Variants in RBM43 observed in about 807,000 individuals in gnomAD.
The protein encoded by RBM43 is RNA binding motif protein 43, also known as RNA-binding protein 43.
Under a neutral mutation model 12.4 loss-of-function variants are expected in RBM43, and 12 were observed. That is an observed-to-expected ratio of 0.97 (90% CI 0.62 to 1.57). The LOEUF (loss-of-function observed/expected upper bound fraction) is 1.57, where lower values mean the gene tolerates loss of function less well. Ranked by LOEUF, RBM43 falls within the 40% of genes most tolerant of loss-of-function variation. The pLI is 0.00. For missense variants in RBM43, 348 were observed against 400.1 expected, an observed-to-expected ratio of 0.87 and a Z score of 1.11; for synonymous variants, 138 against 145.7, an observed-to-expected ratio of 0.95 and a Z score of 0.38.
At chr2:151,261,501 T>C (rs768274628) in intron 1 of RBM43, 3 of 1,550,066 alleles carry the variant, frequency 1.9e-6, no homozygotes, top group Non-Finnish European at 2.6e-6. Flanking sequence ...GAGCGCGCAA[T>C]GCCGCCACCT....
chr2:151,250,665 A>G lies in RBM43; in HGVS notation c.*241T>C, dbSNP rs1035649230. On this transcript the variant is annotated 3_prime_UTR_variant, in exon 4 of 4. Transcript: ENST00000331426. Reference sequence around the variant, plus strand: ...TTTATTCCTTAGATATTATCTGTGTAATCAGATAGACTGGGCTAAGCCACA... The same window carrying G: ...TTTATTCCTTAGATATTATCTGTGTGATCAGATAGACTGGGCTAAGCCACA... 2 of 370,550 alleles carry G rather than the reference A, an allele frequency of 5.4e-6. No individual in the cohort carries two copies. Among genetic ancestry groups the G allele is most frequent in the Non-Finnish European group, 9.6e-6 (2 of 208,010 alleles). The allele number at this position is 370,550 out of a possible 1,614,324, so 23.0% of individuals were successfully genotyped here.
intron 1 of RBM43, among the ~76,000 whole-genome samples, chr2:151,257,601 G>C (rs1294976763): frequency 2.0e-5 from 3 of 152,194 alleles, no homozygotes; most frequent in East Asian, 1.9e-4. Context: ...GCTGAGGCAG[G>C]AGAATTGCTT....
chr2:151,256,090 T>G (rs1682969407), intron 1 of RBM43, among the ~76,000 whole-genome samples: 1 of 152,090 alleles, frequency 6.6e-6, no homozygotes. Context: ...GCCCCTCAAG[T>G]AGCTGGGATT....
intron 1 of RBM43, chr2:151,261,240 T>TG: frequency 6.5e-7 from 1 of 1,541,564 alleles, no homozygotes; most frequent in South Asian, 1.2e-5. Context: ...CTTCCTGACT[T>TG]GCGTCCTTGG....
In RBM43 at chr2:151,255,618, A is replaced by T; in HGVS notation, c.129T>A (p.Ile43=). 1 of 1,613,876 alleles carries T rather than the reference A, an allele frequency of 6.2e-7. No homozygotes were observed. Among genetic ancestry groups the T allele is most frequent in the African/African-American group, 1.3e-5 (1 of 74,986 alleles). ...AVLVKSHFQD[I]KNEGGDVEDV... ...CTTCAACATCTCCGCCCTCATTCTTAATGTCTTGGAAGTGGCTCTTCACTA... is the reference window on the plus strand; with the variant it reads ...CTTCAACATCTCCGCCCTCATTCTTTATGTCTTGGAAGTGGCTCTTCACTA... Residue 43 remains isoleucine (I), a synonymous_variant, in exon 2 of 4, where the codon ATT becomes ATA. Coordinates refer to ENST00000331426, the MANE Select transcript of RBM43 (RefSeq NM_198557.3).
intron 1 of RBM43, among the ~76,000 whole-genome samples, chr2:151,255,990 C>T (rs1682967764): frequency 6.6e-6 from 1 of 151,996 alleles, no homozygotes; most frequent in African/African-American, 2.4e-5. Context: ...GAGATGGAGT[C>T]TCACTCTGTC....
chr2:151,254,287 A>ATCTATCTCTCTC (rs146039442), intron 2 of RBM43, among the ~76,000 whole-genome samples: 1,823 of 149,504 alleles, frequency 0.012, 35 homozygotes, highest in African/African-American at 0.041. Flanking sequence ...ACCGAGGCCA[A>ATCTATCTCTCTC]TCTCTCTCTC....
intron 2 of RBM43, among the ~76,000 whole-genome samples, chr2:151,253,265 C>T (rs1682929965): frequency 1.3e-5 from 2 of 152,196 alleles, no homozygotes; most frequent in African/African-American, 4.8e-5. Context: ...GTTGGCGAGA[C>T]CTGGACCTCA....
In RBM43 at chr2:151,251,578, T is replaced by A. The variant is rs185636021; in HGVS notation, c.402A>T (p.Lys134Asn). 10 of 1,614,210 alleles carry A rather than the reference T, an allele frequency of 6.2e-6. No individual in the cohort carries two copies. In the Admixed American group the frequency reaches 1.0e-4, roughly 16 times the overall value. ...GACTGAAGCTTAAACTCGGGATTTTTTTTTTCAGGTCTTTTACCAGAGTTT... is the reference window on the plus strand; with the variant it reads ...GACTGAAGCTTAAACTCGGGATTTTATTTTTCAGGTCTTTTACCAGAGTTT... ...TLETLVKDLK[K>N]KIPSLSFSPL... The change falls in exon 4 of 4, where the codon AAA becomes AAT. Residue 134 changes from lysine to asparagine, a missense_variant. Physicochemically the swap from Lys to Asn is moderately conservative, Grantham distance 94. Transcript: ENST00000331426.
chr2:151,250,980 T>C lies in RBM43; in HGVS notation c.1000A>G (p.Ile334Val), dbSNP rs751263703. 4 of 1,612,552 alleles carry C rather than the reference T, an allele frequency of 2.5e-6. No individual in the cohort carries two copies. Among genetic ancestry groups the C allele is most frequent in the African/African-American group, 2.7e-5 (2 of 75,036 alleles). ...LINLYRTHID[I>V]IGSSSDTYLF... Reference sequence around the variant, plus strand: ...TAAGTGTCAGAAGAAGATCCTATAATGTCAATGTGTGTCCTATAAAGGTTA... The same window carrying C: ...TAAGTGTCAGAAGAAGATCCTATAACGTCAATGTGTGTCCTATAAAGGTTA... Residue 334 changes from isoleucine to valine, a missense_variant, in exon 4 of 4, where the codon ATT becomes GTT. Physicochemically the swap from Ile to Val is conservative, Grantham distance 29. Coordinates refer to ENST00000331426, the MANE Select transcript of RBM43 (RefSeq NM_198557.3).
chr2:151,251,420 C>T lies in RBM43; in HGVS notation c.560G>A (p.Trp187Ter), dbSNP rs775237549. ...DRNFTSEERK[W>*]NRQNPQRNLQ... The stretch of plus-strand genomic sequence containing the variant: ...ATTCCTCTGGGGATTTTGTCTATTC[C>T]ACTTTCTCTCCTCACTGGTAAAATT... Residue 187 changes from tryptophan (W) to a stop codon, truncating the protein, a stop_gained, in exon 4 of 4, where the codon TGG becomes TAG. Coordinates refer to ENST00000331426, the MANE Select transcript of RBM43 (RefSeq NM_198557.3). LOFTEE classifies it low-confidence loss of function (END_TRUNC). The T allele has an allele frequency of 1.2e-5, 19 of 1,614,072 alleles. No homozygotes were observed. Among genetic ancestry groups the T allele is most frequent in the Non-Finnish European group, 1.4e-5 (17 of 1,180,034 alleles).
Position 151,251,250 on chromosome 2 carries a change from A to T in RBM43, c.730T>A (p.Phe244Ile), listed in dbSNP as rs1369426436. 1.2e-6 allele frequency: 2 copies of T among 1,613,520 alleles called. No homozygotes were observed. Among genetic ancestry groups the T allele is most frequent in the Non-Finnish European group, 1.7e-6 (2 of 1,179,936 alleles). ...CGSYESTLKK[F>I]HILSQEKVDG... ...ACTTTCTCCTGACTCAGAATGTGGA[A>T]TTTTTTCAGTGTGCTTTCATAAGAT... is the stretch of plus-strand genomic sequence containing the variant. Residue 244 changes from phenylalanine (F) to isoleucine (I), a missense_variant, in exon 4 of 4, where the codon TTC becomes ATC. Coordinates refer to ENST00000331426, the MANE Select transcript of RBM43 (RefSeq NM_198557.3).
At chr2:151,254,966 C>T (rs916867496) in intron 2 of RBM43, among the ~76,000 whole-genome samples, 2 of 152,120 alleles carry the variant, frequency 1.3e-5, no homozygotes, top group East Asian at 1.9e-4. Flanking sequence ...TAAAATGTAA[C>T]ACTTTCACCC....
At chr2:151,261,601 C>T in intron 1 of RBM43, 124 bp downstream of exon 1, 1 of 1,536,642 alleles carries the variant, frequency 6.5e-7, no homozygotes, top group Non-Finnish European at 8.8e-7. Context: ...CCTCCGTGCG[C>T]CGCCCCCTCC....
chr2:151,251,527 G>A lies in RBM43; in HGVS notation c.453C>T (p.Ser151=), dbSNP rs374631315. The A allele has an allele frequency of 7.7e-5, 124 of 1,614,014 alleles. No individual in the cohort carries two copies. The highest frequency in any genetic ancestry group is 9.7e-5 in the Non-Finnish European group (114 of 1,180,040). Reference sequence around the variant, plus strand: ...TGACAGCCAGAAATGATCCTTCCACGGAGATTCTTCCATTGGGTTTCAAAG... The same window carrying A: ...TGACAGCCAGAAATGATCCTTCCACAGAGATTCTTCCATTGGGTTTCAAAG... ...FSPLKPNGRI[S]VEGSFLAVKR... is the part of the protein sequence containing the mutation. Residue 151 remains serine, a synonymous_variant, in exon 4 of 4, where the codon TCC becomes TCT. Coordinates refer to ENST00000331426, the MANE Select transcript of RBM43 (RefSeq NM_198557.3).
intron 1 of RBM43, among the ~76,000 whole-genome samples, chr2:151,256,962 C>A (rs754365275): frequency 6.6e-6 from 1 of 152,200 alleles, no homozygotes; most frequent in African/African-American, 2.4e-5. Flanking sequence ...ATGCTGGGCA[C>A]AGAGTATCAA....
At chr2:151,261,304 G>C in intron 1 of RBM43, 1 of 1,550,554 alleles carries the variant, frequency 6.4e-7, no homozygotes, top group Middle Eastern at 1.7e-4. Flanking sequence ...CTCCATTTCT[G>C]GCTAATCAGG....
intron 2 of RBM43, among the ~76,000 whole-genome samples, chr2:151,254,164 T>A (rs1682944576): frequency 6.6e-6 from 1 of 152,146 alleles, no homozygotes; most frequent in Non-Finnish European, 1.5e-5. Context: ...TCTGTCCAGA[T>A]GTACATCTCA....
chr2:151,261,212 C>T (rs1467377063), intron 1 of RBM43: 19 of 1,520,464 alleles, frequency 1.2e-5, no homozygotes, highest in Non-Finnish European at 1.7e-5. Flanking sequence ...CCAAGGCAGA[C>T]ATAAGACATG....
Sources: gnomAD v4.1 joint callset for allele counts (sites outside exome capture counted in the v4.1 genomes callset) on GRCh38, gnomAD v4.1.1 for gene constraint, MANE v1.5 for transcripts, NCBI Gene and HGNC (gene_info 2026-07-23, HGNC 2026-07-21) for gene names.